FAM13A: variants seen among roughly 807,000 people sequenced by gnomAD.
FAM13A encodes family with sequence similarity 13 member A.
A neutral mutation model predicts 129.6 loss-of-function variants in FAM13A; 76 were observed. That is an observed-to-expected ratio of 0.59 (90% confidence interval 0.49 to 0.71). The LOEUF is 0.71. Ranked by LOEUF, FAM13A falls within the 30% of genes least tolerant of loss-of-function variation. The pLI, the probability that FAM13A is intolerant of heterozygous loss-of-function variation, is 0.00. For missense variants in FAM13A, 1,108 were observed against 1,249.3 expected (o/e 0.89, Z 1.70); for synonymous variants, 443 against 449.9 (o/e 0.98, Z 0.20).
chr4:88,912,593 A>ACACACAC, intron 5 of FAM13A, among the ~76,000 whole-genome samples: 1 of 151,872 alleles, frequency 6.6e-6, no homozygotes, highest in Non-Finnish European at 1.5e-5. Flanking sequence ...ACACACACAC[A>ACACACAC]CACACACACA....
chr4:89,010,840 C>T (rs1765628342), intron 3 of FAM13A, among the ~76,000 whole-genome samples: 1 of 151,954 alleles, frequency 6.6e-6, no homozygotes, highest in South Asian at 2.1e-4. Flanking sequence ...ACTTTTCTTA[C>T]CCTCATTATC....
At chr4:88,780,820 T>C (rs1353788362) in intron 11 of FAM13A, among the ~76,000 whole-genome samples, 3 of 151,836 alleles carry the variant, frequency 2.0e-5, no homozygotes, top group Non-Finnish European at 4.4e-5. Flanking sequence ...ATAAAACATA[T>C]TCACTCAGAC....
chr4:88,913,518 G>A (rs1386270983), intron 5 of FAM13A, among the ~76,000 whole-genome samples: 1 of 150,514 alleles, frequency 6.6e-6, no homozygotes, highest in Non-Finnish European at 1.5e-5. Flanking sequence ...GGAAGAAGAG[G>A]AGGAGGAGGA....
rs183314655 is a variant in FAM13A, at chr4:88,839,047, T to A, written c.1007+11973A>T. ...AAATGTTCTCTCTATATAATGCAAA[T>A]ACTCTTATCATCATGTTATTTATTT... is the stretch of plus-strand genomic sequence containing the variant. On this transcript the variant is annotated intron_variant, in intron 7 of 23. Coordinates refer to ENST00000264344, the MANE Select transcript of FAM13A (RefSeq NM_014883.4). Among the ~76,000 whole-genome samples, 194 of 152,308 alleles carry A rather than the reference T, an allele frequency of 1.3e-3. 1 individual carries two copies. Among genetic ancestry groups the A allele is most frequent in the South Asian group, 2.5e-3 (12 of 4,834 alleles).
chr4:88,959,945 G>A (rs193062661), intron 4 of FAM13A, among the ~76,000 whole-genome samples: 6 of 152,188 alleles, frequency 3.9e-5, no homozygotes, highest in Admixed American at 2.6e-4. Flanking sequence ...CTTAACTACC[G>A]CATCCTTACC....
chr4:88,958,461 A>G (rs1392193544), intron 4 of FAM13A, among the ~76,000 whole-genome samples: 31 of 152,208 alleles, frequency 2.0e-4, no homozygotes, highest in Non-Finnish European at 8.8e-5. Context: ...CCATAGCTCA[A>G]AGGAGCCCAG....
At chr4:88,774,025 C>T (rs993730498) in intron 11 of FAM13A, among the ~76,000 whole-genome samples, 2 of 152,130 alleles carry the variant, frequency 1.3e-5, no homozygotes, top group Non-Finnish European at 2.9e-5. Flanking sequence ...GACCTCATCT[C>T]CTACAATGCT....
chr4:88,743,784 T>C (rs1375105846), intron 19 of FAM13A, among the ~76,000 whole-genome samples: 2 of 152,224 alleles, frequency 1.3e-5, no homozygotes, highest in Non-Finnish European at 2.9e-5. Context: ...ATATTGAATT[T>C]ACAAAAATCT....
At chr4:88,823,333 C>T (rs1419378226) in intron 7 of FAM13A, 1 of 1,111,638 alleles carries the variant, frequency 9.0e-7, no homozygotes, top group Non-Finnish European at 1.1e-6. Context: ...CTCCTCCTCC[C>T]CCGCACCCTA....
intron 19 of FAM13A, among the ~76,000 whole-genome samples, chr4:88,741,506 C>T (rs1014021825): frequency 4.6e-5 from 7 of 152,150 alleles, no homozygotes; most frequent in African/African-American, 1.7e-4. Context: ...ACGAAGGGAA[C>T]ATGAGCAAGG....
At chr4:88,939,741 C>T (rs898327435) in intron 4 of FAM13A, among the ~76,000 whole-genome samples, 5 of 152,072 alleles carry the variant, frequency 3.3e-5, no homozygotes, top group African/African-American at 4.8e-5. Context: ...ATTCTCCCAT[C>T]GGCCTTAAAG....
At chr4:88,763,271 CCATTCGTT>C (rs79264530) in intron 13 of FAM13A, among the ~76,000 whole-genome samples, 6 of 119,616 alleles carry the variant, frequency 5.0e-5, no homozygotes, top group Non-Finnish European at 9.3e-5. Context: ...CCTCCCTTTC[CCATTCGTT>C]CATTCATTCA....
chr4:88,757,373 A>C (rs769428776), intron 14 of FAM13A, among the ~76,000 whole-genome samples: 1 of 152,132 alleles, frequency 6.6e-6, no homozygotes, highest in Non-Finnish European at 1.5e-5. Flanking sequence ...CACAAATATA[A>C]CATTTATTTT....
intron 4 of FAM13A, among the ~76,000 whole-genome samples, chr4:88,954,849 G>A (rs1757499208): frequency 6.7e-6 from 1 of 149,110 alleles, no homozygotes; most frequent in African/African-American, 2.5e-5. Context: ...TTGTGCCACT[G>A]TACTCCAGCC....
intron 6 of FAM13A, among the ~76,000 whole-genome samples, chr4:88,900,656 A>T (rs1747145425): frequency 6.6e-6 from 1 of 152,172 alleles, no homozygotes; most frequent in Non-Finnish European, 1.5e-5. Context: ...AGCACTAAAC[A>T]TGGAAAAGAA....
intron 10 of FAM13A, among the ~76,000 whole-genome samples, chr4:88,782,339 C>T (rs1005126066): frequency 1.3e-5 from 2 of 151,850 alleles, no homozygotes; most frequent in Admixed American, 1.3e-4. Flanking sequence ...ATAAAACCAT[C>T]AGCACAGCAC....
chr4:89,035,964 T>C (rs1769337224), intron 1 of FAM13A, among the ~76,000 whole-genome samples: 1 of 152,160 alleles, frequency 6.6e-6, no homozygotes, highest in South Asian at 2.1e-4. Flanking sequence ...ATAATTTGGA[T>C]TTGAGTCACA....
At position 88,926,506 on chromosome 4, in the gene FAM13A, G is replaced by A. The variant is rs78851062; in HGVS notation, c.759+11582C>T. Among the ~76,000 whole-genome samples, 413 of 152,176 alleles carry A rather than the reference G, an allele frequency of 2.7e-3. 3 individuals carry two copies. The highest frequency in any genetic ancestry group is 9.1e-3 in the African/African-American group (379 of 41,516). Reference sequence around the variant, plus strand: ...CAGTTTAAAGGATACATAGCATAATGGCGTCTTCATAAGCAAAAGCAATTT... The same window carrying A: ...CAGTTTAAAGGATACATAGCATAATAGCGTCTTCATAAGCAAAAGCAATTT... On this transcript the variant is annotated intron_variant, in intron 5 of 23. Coordinates refer to ENST00000264344, the MANE Select transcript of FAM13A (RefSeq NM_014883.4).
chr4:88,788,749 C>T lies in FAM13A; in HGVS notation c.1092-817G>A, dbSNP rs368437257. Among the ~76,000 whole-genome samples the T allele has an allele frequency of 2.6e-4, 40 of 152,160 alleles. No homozygotes were observed. The South Asian group carries it at 5.0e-3, about 19-fold the overall frequency. Reference sequence around the variant, plus strand: ...TATGGAAAGCTCTTAACTCAGAGTCCTCAAACCTTGTTTTTCTTCGCTTGA... The same window carrying T: ...TATGGAAAGCTCTTAACTCAGAGTCTTCAAACCTTGTTTTTCTTCGCTTGA... On this transcript the variant is annotated intron_variant, in intron 9 of 23. Transcript: ENST00000264344.
Sources: gnomAD v4.1 joint callset for allele counts (sites outside exome capture counted in the v4.1 genomes callset) on GRCh38, gnomAD v4.1.1 for gene constraint, MANE v1.5 for transcripts, NCBI Gene and HGNC (gene_info 2026-07-23, HGNC 2026-07-21) for gene names.